The following OPCML variants were observed in gnomAD, a reference collection of about 807,000 sequenced individuals.
OPCML encodes the protein opioid-binding protein/cell adhesion molecule.
A neutral mutation model predicts 37.8 loss-of-function variants in OPCML; 13 were observed. That is an observed-to-expected ratio of 0.34 (90% CI 0.22 to 0.55). The LOEUF is 0.55. Ranked by LOEUF, OPCML falls within the 20% of genes least tolerant of loss-of-function variation. The pLI is 0.91. For synonymous variants in OPCML, 176 were observed against 168.8 expected, an observed-to-expected ratio of 1.04 and a Z score of -0.33; for missense variants, 341 against 435.6, an observed-to-expected ratio of 0.78 and a Z score of 1.93.
chr11:132,883,807 G>A (rs534834399), intron 2 of OPCML, among the ~76,000 whole-genome samples: 1 of 152,224 alleles, frequency 6.6e-6, no homozygotes, highest in South Asian at 2.1e-4. Flanking sequence ...CACAAATCAG[G>A]GAGATTTCGC....
intron 1 of OPCML, among the ~76,000 whole-genome samples, chr11:132,978,858 C>T (rs960589445): frequency 6.6e-6 from 1 of 152,126 alleles, no homozygotes; most frequent in Non-Finnish European, 1.5e-5. Context: ...TCTCCGAATT[C>T]CAGAATTGAA....
chr11:132,492,842 C>T (rs1159425792), intron 4 of OPCML, among the ~76,000 whole-genome samples: 3 of 152,100 alleles, frequency 2.0e-5, no homozygotes, highest in African/African-American at 7.2e-5. Flanking sequence ...GTAAATTGCT[C>T]AGTAAATATT....
chr11:132,687,587 T>A (rs1007298834), intron 2 of OPCML, among the ~76,000 whole-genome samples: 1 of 151,612 alleles, frequency 6.6e-6, no homozygotes, highest in Non-Finnish European at 1.5e-5. Flanking sequence ...TCTTTTTTAA[T>A]CCCTCAAATA....
intron 2 of OPCML, among the ~76,000 whole-genome samples, chr11:132,665,192 G>T (rs1268158078): frequency 1.3e-5 from 2 of 152,208 alleles, no homozygotes; most frequent in Non-Finnish European, 2.9e-5. Flanking sequence ...ACATAGAGTA[G>T]TGGAAACACA....
intron 1 of OPCML, among the ~76,000 whole-genome samples, chr11:133,305,057 T>G (rs1205084537): frequency 1.3e-5 from 2 of 152,188 alleles, no homozygotes; most frequent in Non-Finnish European, 2.9e-5. Flanking sequence ...CAGAGAGTGA[T>G]AAGCAGAGTC....
At chr11:133,244,728 G>A (rs1374650710) in intron 1 of OPCML, among the ~76,000 whole-genome samples, 1 of 151,912 alleles carries the variant, frequency 6.6e-6, no homozygotes, top group Non-Finnish European at 1.5e-5. Context: ...CTCGCCATAT[G>A]AGGACTGTGC....
intron 4 of OPCML, among the ~76,000 whole-genome samples, chr11:132,503,969 A>C (rs2096251019): frequency 6.6e-6 from 1 of 152,196 alleles, no homozygotes; most frequent in Non-Finnish European, 1.5e-5. Context: ...GGTATCTTTT[A>C]TGCACCTTTG....
At chr11:133,455,890 C>A (rs1182110572) in intron 1 of OPCML, among the ~76,000 whole-genome samples, 1 of 152,194 alleles carries the variant, frequency 6.6e-6, no homozygotes, top group African/African-American at 2.4e-5. Flanking sequence ...CCCCACCTCA[C>A]CCCTTCCACT....
intron 2 of OPCML, among the ~76,000 whole-genome samples, chr11:132,863,772 A>G (rs1361475926): frequency 6.6e-6 from 1 of 152,086 alleles, no homozygotes; most frequent in East Asian, 1.9e-4. Flanking sequence ...GCCGGGAGGA[A>G]TCTACACGGG....
intron 1 of OPCML, among the ~76,000 whole-genome samples, chr11:133,495,064 C>T (rs1345068135): frequency 6.6e-6 from 1 of 152,108 alleles, no homozygotes; most frequent in East Asian, 1.9e-4. Context: ...CCCTGCCACT[C>T]TTTCCCCCAA....
intron 1 of OPCML, among the ~76,000 whole-genome samples, chr11:133,085,520 G>A (rs1948805915): frequency 6.6e-6 from 1 of 152,216 alleles, no homozygotes; most frequent in African/African-American, 2.4e-5. Flanking sequence ...TGATTTGAAA[G>A]AGCTTTCAAT....
intron 1 of OPCML, among the ~76,000 whole-genome samples, chr11:133,385,666 G>A (rs747329431): frequency 1.4e-4 from 21 of 152,128 alleles, no homozygotes; most frequent in Non-Finnish European, 2.1e-4. Flanking sequence ...CTGAAACTTC[G>A]ATGATTAGGC....
At chr11:133,247,425 A>G (rs1183457733) in intron 1 of OPCML, among the ~76,000 whole-genome samples, 1 of 152,184 alleles carries the variant, frequency 6.6e-6, no homozygotes, top group African/African-American at 2.4e-5. Context: ...TGAGTTTACA[A>G]TACAATTGGG....
chr11:132,626,814 C>T (rs1397779490), intron 3 of OPCML, among the ~76,000 whole-genome samples: 1 of 7,282 alleles, frequency 1.4e-4, no homozygotes, highest in Non-Finnish European at 3.3e-4. Context: ...AGGGAAGTTT[C>T]TCTCTCTCTC....
At chr11:132,918,729 G>A (rs1325552510) in intron 2 of OPCML, among the ~76,000 whole-genome samples, 1 of 152,088 alleles carries the variant, frequency 6.6e-6, no homozygotes, top group African/African-American at 2.4e-5. Context: ...AAGTTACAAA[G>A]GCTATAGAGG....
At chr11:132,948,341 T>TAGGGGAGGC (rs2136691226) in intron 1 of OPCML, among the ~76,000 whole-genome samples, 1 of 152,226 alleles carries the variant, frequency 6.6e-6, no homozygotes, top group South Asian at 2.1e-4. Flanking sequence ...TGGGAATAAA[T>TAGGGGAGGC]AGGGGAGGCA....
chr11:133,079,034 AT>A (rs1241033072), intron 1 of OPCML, among the ~76,000 whole-genome samples: 1 of 151,960 alleles, frequency 6.6e-6, no homozygotes, highest in Non-Finnish European at 1.5e-5. Context: ...ATCCAAGCTC[AT>A]CCCCACCCCA....
chr11:132,646,074 G>A (rs551698122), intron 3 of OPCML, among the ~76,000 whole-genome samples: 7 of 152,048 alleles, frequency 4.6e-5, no homozygotes, highest in East Asian at 1.9e-4. Flanking sequence ...AGAAATAAGA[G>A]TGGAAAGGGT....
At chr11:133,262,107 T>C (rs1348846403) in intron 1 of OPCML, among the ~76,000 whole-genome samples, 2 of 152,234 alleles carry the variant, frequency 1.3e-5, no homozygotes, top group African/African-American at 4.8e-5. Context: ...ATATACGCTT[T>C]TGATGTACGG....
Sources: allele counts gnomAD v4.1 joint callset (sites outside exome capture counted in the v4.1 genomes callset), GRCh38; gene constraint gnomAD v4.1.1; transcripts MANE v1.5; gene names NCBI Gene and HGNC (gene_info 2026-07-23, HGNC 2026-07-21).